Variants in ADAMTS3 observed in about 807,000 individuals in gnomAD.
ADAMTS3 encodes ADAM metallopeptidase with thrombospondin type 1 motif 3, also known as A disintegrin and metalloproteinase with thrombospondin motifs 3.
A neutral mutation model predicts 129.0 loss-of-function variants in ADAMTS3; 73 were observed. The ratio of observed to expected loss-of-function variants is 0.57; its 90% CI spans 0.47 to 0.69. ADAMTS3 has a LOEUF of 0.69. ADAMTS3 is among the 30% of genes least tolerant of loss of function. The pLI, the probability that ADAMTS3 is intolerant of heterozygous loss-of-function variation, is 0.00. For missense variants in ADAMTS3, 1,457 were observed against 1,514.5 expected (o/e 0.96, Z 0.63); for synonymous variants, 477 against 510.8 (o/e 0.93, Z 0.89).
At position 72,507,360 on chromosome 4, in the gene ADAMTS3, G is replaced by T. The variant is rs140619386; in HGVS notation, c.504+41118C>A. ...ACTGTGCCTTGGTAACTCAATCCAA[G>T]ATTGTACAATCAGAATCTGACTCCT... On this transcript the variant is annotated intron_variant, in intron 3 of 21. Transcript: ENST00000286657. 3.7e-4 allele frequency among the ~76,000 whole-genome samples: 57 copies of T among 152,110 alleles called. No individual in the cohort carries two copies. The East Asian group carries it at 3.9e-3, about 10-fold the overall frequency.
intron 11 of ADAMTS3, among the ~76,000 whole-genome samples, chr4:72,315,395 T>C (rs1719363868): frequency 1.3e-5 from 2 of 152,110 alleles, no homozygotes; most frequent in South Asian, 4.1e-4. Context: ...ACATGTATCC[T>C]TATAAGAGAG....
At chr4:72,539,001 T>G (rs543561609) in intron 3 of ADAMTS3, among the ~76,000 whole-genome samples, 2 of 152,080 alleles carry the variant, frequency 1.3e-5, no homozygotes, top group South Asian at 4.2e-4. Context: ...TAACACCATA[T>G]ACAAAAATTA....
chr4:72,311,521 A>G (rs1578571409), intron 13 of ADAMTS3, among the ~76,000 whole-genome samples: 1 of 152,180 alleles, frequency 6.6e-6, no homozygotes, highest in Non-Finnish European at 1.5e-5. Flanking sequence ...AGTTTTCGTA[A>G]TATTAGAGCA....
chr4:72,458,733 A>C (rs554063932), intron 3 of ADAMTS3, among the ~76,000 whole-genome samples: 1 of 151,694 alleles, frequency 6.6e-6, no homozygotes, highest in African/African-American at 2.4e-5. Context: ...TCAGGCTAAA[A>C]ACTTCTAAGG....
chr4:72,287,726 TAAGA>T (rs953471581), intron 21 of ADAMTS3, among the ~76,000 whole-genome samples: 2 of 150,674 alleles, frequency 1.3e-5, no homozygotes, highest in Non-Finnish European at 3.0e-5. Flanking sequence ...ACACCAAAAA[TAAGA>T]GAGAGACAGA....
chr4:72,522,118 GAA>G (rs1720690760), intron 3 of ADAMTS3, among the ~76,000 whole-genome samples: 1 of 152,102 alleles, frequency 6.6e-6, no homozygotes, highest in Non-Finnish European at 1.5e-5. Context: ...GAAAGAAGAT[GAA>G]GCCCAAGGGA....
intron 3 of ADAMTS3, among the ~76,000 whole-genome samples, chr4:72,443,394 T>C (rs1718168930): frequency 6.6e-6 from 1 of 151,734 alleles, no homozygotes. Context: ...GTAAAAACAG[T>C]TTGAATCCCT....
intron 2 of ADAMTS3, among the ~76,000 whole-genome samples, chr4:72,555,070 C>A (rs1042136190): frequency 5.3e-5 from 8 of 151,762 alleles, no homozygotes; most frequent in East Asian, 1.9e-4. Context: ...CTCAGTAGCT[C>A]ACCATCACTT....
Position 72,283,669 on chromosome 4 carries a change from G to C in ADAMTS3, c.3085C>G (p.Gln1029Glu), listed in dbSNP as rs1414057346. The C allele has an allele frequency of 6.2e-7, 1 of 1,608,074 alleles. No homozygotes were observed. Among genetic ancestry groups the C allele is most frequent in the Non-Finnish European group, 8.5e-7 (1 of 1,176,632 alleles). Residue 1029 changes from glutamine to glutamate, a missense_variant, in exon 22 of 22, where the codon CAA becomes GAA. Coordinates refer to ENST00000286657, the MANE Select transcript of ADAMTS3 (RefSeq NM_014243.3). ...CAGTATCGTGCCAACACTTCCATTT[G>C]ACAGAATATGGACTTGTCTCCCAAA... ...PCLGDKSIFC[Q>E]MEVLARYCSI...
At chr4:72,547,506 G>A (rs788911) in intron 3 of ADAMTS3, among the ~76,000 whole-genome samples, 2 of 151,786 alleles carry the variant, frequency 1.3e-5, no homozygotes, top group East Asian at 1.9e-4. Flanking sequence ...CCTTTCATGC[G>A]ATCATCTCAT....
chr4:72,325,487 G>A (rs978917370), intron 5 of ADAMTS3, among the ~76,000 whole-genome samples: 4 of 152,114 alleles, frequency 2.6e-5, no homozygotes, highest in Non-Finnish European at 5.9e-5. Context: ...ATCCCAAGAG[G>A]CTTCTTGTAA....
At chr4:72,331,079 G>C (rs1384342345) in intron 5 of ADAMTS3, among the ~76,000 whole-genome samples, 1 of 152,182 alleles carries the variant, frequency 6.6e-6, no homozygotes, top group Non-Finnish European at 1.5e-5. Flanking sequence ...AAAAGCAAAG[G>C]GGGAAAGGAA....
intron 2 of ADAMTS3, among the ~76,000 whole-genome samples, chr4:72,565,129 T>C (rs898896143): frequency 6.6e-6 from 1 of 152,214 alleles, no homozygotes; most frequent in Non-Finnish European, 1.5e-5. Flanking sequence ...CAGTAGAAAG[T>C]ATTTTTAAAA....
chr4:72,511,938 A>C (rs1720325561), intron 3 of ADAMTS3, among the ~76,000 whole-genome samples: 2 of 152,230 alleles, frequency 1.3e-5, no homozygotes, highest in African/African-American at 4.8e-5. Context: ...GTTATAAAAA[A>C]GAACGAGAGC....
chr4:72,455,801 T>G (rs1461870496), intron 3 of ADAMTS3, among the ~76,000 whole-genome samples: 4 of 136,388 alleles, frequency 2.9e-5, no homozygotes, highest in Non-Finnish European at 6.2e-5. Flanking sequence ...TATATATATT[T>G]TGTGTCTATA....
intron 4 of ADAMTS3, among the ~76,000 whole-genome samples, chr4:72,394,461 T>TTAA (rs1233806419): frequency 6.6e-6 from 1 of 152,198 alleles, no homozygotes; most frequent in African/African-American, 2.4e-5. Flanking sequence ...AGAAGCTGTC[T>TTAA]TAAGTTCATG....
chr4:72,439,148 A>G (rs1718045050), intron 3 of ADAMTS3, among the ~76,000 whole-genome samples: 1 of 151,766 alleles, frequency 6.6e-6, no homozygotes, highest in Non-Finnish European at 1.5e-5. Context: ...TGAGGATTGA[A>G]CTAATGTAAC....
chr4:72,289,087 T>A (rs963134168), intron 20 of ADAMTS3, among the ~76,000 whole-genome samples: 1 of 152,102 alleles, frequency 6.6e-6, no homozygotes, highest in Non-Finnish European at 1.5e-5. Flanking sequence ...AGCATTGTTT[T>A]TTCTACATAA....
At position 72,543,586 on chromosome 4, in the gene ADAMTS3, C is replaced by T. The variant is rs1462411110; in HGVS notation, c.504+4892G>A. ...CTTCAAAATGGATGAAATTTAAGGA[C>T]GTTATACTAAATGCAATAAACTAGT... On this transcript the variant is annotated intron_variant, in intron 3 of 21. Transcript: ENST00000286657. 5.3e-5 allele frequency among the ~76,000 whole-genome samples: 8 copies of T among 152,074 alleles called. No individual in the cohort carries two copies. In the East Asian group the frequency reaches 5.8e-4, roughly 11 times the overall value.
Sources: allele counts gnomAD v4.1 joint callset (sites outside exome capture counted in the v4.1 genomes callset), GRCh38; gene constraint gnomAD v4.1.1; transcripts MANE v1.5; gene names NCBI Gene and HGNC (gene_info 2026-07-23, HGNC 2026-07-21).